C12orf42: variants seen among roughly 807,000 people sequenced by gnomAD.
C12orf42 encodes uncharacterized protein C12orf42.
C12orf42 carries 25 observed loss-of-function variants against 21.6 expected under a neutral mutation model. That is an observed-to-expected ratio of 1.16 (90% CI 0.84 to 1.62). C12orf42 has a LOEUF of 1.62. Among genes scored for constraint, C12orf42 ranks in the 40% most tolerant of loss-of-function variants. The pLI is 0.00. For missense variants in C12orf42, 483 were observed against 459.3 expected (o/e 1.05, Z -0.47); for synonymous variants, 174 against 175.0 (o/e 0.99, Z 0.05).
At chr12:103,287,170 G>A (rs1354219957) in intron 4 of C12orf42, among the ~76,000 whole-genome samples, 3 of 152,224 alleles carry the variant, frequency 2.0e-5, no homozygotes, top group African/African-American at 7.2e-5. Context: ...TCTGGAACTA[G>A]AAGTACCATT....
At chr12:103,550,731 T>G in the C12orf42 span, 1 of 152,170 alleles carries the variant, frequency 6.6e-6, no homozygotes, top group Non-Finnish European at 1.5e-5. Context: ...GTTAGCCTTT[T>G]GTACGTTTTT....
chr12:103,347,727 G>C (rs1457211973), intron 4 of C12orf42, among the ~76,000 whole-genome samples: 3 of 152,048 alleles, frequency 2.0e-5, no homozygotes, highest in African/African-American at 7.2e-5. Context: ...TGAGAACAAG[G>C]TGGGGAGCCA....
the C12orf42 span, among the ~76,000 whole-genome samples, chr12:103,110,107 G>A: frequency 6.6e-6 from 1 of 152,132 alleles, no homozygotes; most frequent in African/African-American, 2.4e-5. Flanking sequence ...GTTTGCATGG[G>A]AATCAGAACC....
At chr12:103,467,967 T>C (rs972584822) in intron 2 of C12orf42, among the ~76,000 whole-genome samples, 1 of 152,192 alleles carries the variant, frequency 6.6e-6, no homozygotes, top group African/African-American at 2.4e-5. Context: ...AGATTTTCTT[T>C]TTCTACCTGG....
chr12:103,309,022 A>G (rs922233315), intron 4 of C12orf42, among the ~76,000 whole-genome samples: 1 of 152,214 alleles, frequency 6.6e-6, no homozygotes, highest in African/African-American at 2.4e-5. Context: ...GAAAAAGCCA[A>G]CGCTGCTGGT....
At chr12:103,197,829 C>T in the C12orf42 span, among the ~76,000 whole-genome samples, 1 of 152,136 alleles carries the variant, frequency 6.6e-6, no homozygotes, top group Non-Finnish European at 1.5e-5. Context: ...TTCAGTGAGA[C>T]AAGCCTCAGC....
At chr12:103,502,931 T>C in the C12orf42 span, among the ~76,000 whole-genome samples, 1 of 152,208 alleles carries the variant, frequency 6.6e-6, no homozygotes, top group African/African-American at 2.4e-5. Context: ...TACAGTGATG[T>C]AGGATACTAC....
In C12orf42 at chr12:103,387,674, G is replaced by T. The variant is rs548669413; in HGVS notation, c.147+13933C>A. Among the ~76,000 whole-genome samples, 8 of 152,264 alleles carry T rather than the reference G, an allele frequency of 5.3e-5. No homozygotes were observed. In the South Asian group the frequency reaches 1.7e-3, roughly 32 times the overall value. ...GCTCCATATATCCTAGCAGTGGCTT[G>T]GTCTCTCCCTACTGGAATGTAAGCT... On this transcript the variant is annotated intron_variant, in intron 3 of 5. Coordinates refer to ENST00000548883, the MANE Select transcript of C12orf42 (RefSeq NM_198521.5).
the C12orf42 span, among the ~76,000 whole-genome samples, chr12:103,113,682 T>C: frequency 1.3e-5 from 2 of 152,220 alleles, no homozygotes; most frequent in African/African-American, 4.8e-5. Context: ...CAGGCCAAAG[T>C]GTCAATGGTG....
chr12:103,498,286 T>C (rs1460199903), upstream of C12orf42, among the ~76,000 whole-genome samples: 1 of 152,262 alleles, frequency 6.6e-6, no homozygotes, highest in East Asian at 1.9e-4. Context: ...TAAATTTGGC[T>C]ATATAATAGC....
intron 10 of C12orf42, among the ~76,000 whole-genome samples, chr12:103,250,487 C>T (rs949012238): frequency 2.6e-5 from 4 of 152,038 alleles, no homozygotes; most frequent in Non-Finnish European, 5.9e-5. Flanking sequence ...AATAAACCAA[C>T]CATCATGGCC....
At chr12:103,539,799 T>C in the C12orf42 span, among the ~76,000 whole-genome samples, 1 of 152,072 alleles carries the variant, frequency 6.6e-6, no homozygotes. Flanking sequence ...CAGGCTGGTC[T>C]TGAACTCCTG....
the C12orf42 span, among the ~76,000 whole-genome samples, chr12:103,111,361 C>A: frequency 6.6e-6 from 1 of 152,130 alleles, no homozygotes; most frequent in Non-Finnish European, 1.5e-5. Context: ...AATTGGAATT[C>A]CTACTAGTTG....
the C12orf42 span, among the ~76,000 whole-genome samples, chr12:103,115,507 T>C: frequency 6.6e-6 from 1 of 152,250 alleles, no homozygotes; most frequent in African/African-American, 2.4e-5. Context: ...TTAGGGCATA[T>C]GGAGAAGGTA....
At chr12:103,559,240 C>A in the C12orf42 span, 1 of 133,242 alleles carries the variant, frequency 7.5e-6, no homozygotes, top group East Asian at 1.9e-4. Flanking sequence ...TGCAACTGGC[C>A]CCCAATTAAA....
the C12orf42 span, among the ~76,000 whole-genome samples, chr12:103,063,242 T>C: frequency 9.2e-5 from 14 of 152,316 alleles, no homozygotes; most frequent in African/African-American, 1.7e-4. Context: ...TTAAATCTGC[T>C]AATATTGCCC....
intron 10 of C12orf42, among the ~76,000 whole-genome samples, chr12:103,252,323 T>G (rs763588311): frequency 7.9e-5 from 12 of 152,234 alleles, no homozygotes; most frequent in Non-Finnish European, 1.8e-4. Flanking sequence ...ATGGGATTGC[T>G]GGGTTAAATG....
At chr12:103,303,687 C>A (rs191992872) in intron 5 of C12orf42, among the ~76,000 whole-genome samples, 1 of 152,302 alleles carries the variant, frequency 6.6e-6, no homozygotes, top group African/African-American at 2.4e-5. Flanking sequence ...CTAGTATGTA[C>A]TGAGCACCTC....
chr12:103,133,386 G>A, the C12orf42 span, among the ~76,000 whole-genome samples: 1 of 151,996 alleles, frequency 6.6e-6, no homozygotes, highest in African/African-American at 2.4e-5. Context: ...AAGCTGCCAG[G>A]AGCCCAAAAA....
Sources: gnomAD v4.1 joint callset for allele counts (sites outside exome capture counted in the v4.1 genomes callset) on GRCh38, gnomAD v4.1.1 for gene constraint, MANE v1.5 for transcripts, NCBI Gene and HGNC (gene_info 2026-07-23, HGNC 2026-07-21) for gene names.